The following SGCD variants were observed in gnomAD, a reference collection of about 807,000 sequenced individuals.
The protein encoded by SGCD is delta-sarcoglycan.
In SGCD, 18 loss-of-function variants were observed where a neutral mutation model predicts 36.6. That is an observed-to-expected ratio of 0.49 (90% CI 0.34 to 0.73). SGCD has a LOEUF of 0.73. Among genes scored for constraint, SGCD ranks in the 30% least tolerant of loss-of-function variants. The probability of loss-of-function intolerance (pLI) is 0.01; values close to 1 mark genes in which losing one functional copy is unlikely to be tolerated. For missense variants in SGCD, 387 were observed against 346.7 expected, an observed-to-expected ratio of 1.12 and a Z score of -0.92; for synonymous variants, 133 against 130.6, an observed-to-expected ratio of 1.02 and a Z score of -0.12.
intron 3 of SGCD, among the ~76,000 whole-genome samples, chr5:156,276,672 C>T (rs1217662294): frequency 1.3e-5 from 2 of 151,658 alleles, no homozygotes; most frequent in Non-Finnish European, 2.9e-5. Context: ...CTTTATGTAC[C>T]CCATACTGTT....
chr5:156,463,166 C>T (rs1001450877), intron 3 of SGCD, among the ~76,000 whole-genome samples: 8 of 150,836 alleles, frequency 5.3e-5, no homozygotes, highest in East Asian at 2.0e-4. Context: ...TTGTTTGAGA[C>T]GGAGTCTCAC....
chr5:155,965,604 C>T (rs1379724933), intron 1 of SGCD, among the ~76,000 whole-genome samples: 1 of 152,050 alleles, frequency 6.6e-6, no homozygotes, highest in Non-Finnish European at 1.5e-5. Context: ...TCTGTGCCTG[C>T]CACCAGAAGG....
At chr5:156,291,040 A>G (rs1766745018) in intron 3 of SGCD, among the ~76,000 whole-genome samples, 1 of 152,128 alleles carries the variant, frequency 6.6e-6, no homozygotes. Flanking sequence ...CTTGACATCC[A>G]CACGTTCTGC....
intron 3 of SGCD, among the ~76,000 whole-genome samples, chr5:156,218,443 C>G (rs972794128): frequency 6.6e-6 from 1 of 151,874 alleles, no homozygotes; most frequent in Non-Finnish European, 1.5e-5. Context: ...CATAAGATGG[C>G]AAAAAATTAG....
chr5:156,693,642 G>A (rs1458341792), intron 7 of SGCD, among the ~76,000 whole-genome samples: 1 of 152,114 alleles, frequency 6.6e-6, no homozygotes, highest in Admixed American at 6.6e-5. Flanking sequence ...ATTGTTTAGA[G>A]GCAGAAGGAA....
At chr5:156,390,251 T>G (rs946158929) in intron 3 of SGCD, among the ~76,000 whole-genome samples, 9 of 152,058 alleles carry the variant, frequency 5.9e-5, no homozygotes, top group Non-Finnish European at 1.3e-4. Flanking sequence ...CTCAGGCAGG[T>G]CCTTTAGAGG....
intron 3 of SGCD, among the ~76,000 whole-genome samples, chr5:156,411,548 T>C (rs1181161175): frequency 2.0e-5 from 3 of 152,240 alleles, no homozygotes; most frequent in African/African-American, 7.2e-5. Context: ...GCCTGTTGTA[T>C]GCTTTGCGAT....
chr5:155,980,467 A>G (rs539588026), intron 1 of SGCD, among the ~76,000 whole-genome samples: 1 of 151,904 alleles, frequency 6.6e-6, no homozygotes, highest in South Asian at 2.1e-4. Context: ...AGACGCCTGT[A>G]GACCCAGCTA....
intron 1 of SGCD, among the ~76,000 whole-genome samples, chr5:156,058,428 G>C (rs762512077): frequency 6.8e-6 from 1 of 146,162 alleles, no homozygotes; most frequent in African/African-American, 2.5e-5. Context: ...TGAATCATCT[G>C]GGATCTTGTG....
chr5:156,410,219 T>C (rs1772666649), intron 3 of SGCD, among the ~76,000 whole-genome samples: 1 of 152,152 alleles, frequency 6.6e-6, no homozygotes, highest in African/African-American at 2.4e-5. Flanking sequence ...TAAAAGAGAA[T>C]GAAATCACAT....
intron 4 of SGCD, among the ~76,000 whole-genome samples, chr5:156,584,222 T>C (rs1019890394): frequency 6.6e-6 from 1 of 152,190 alleles, no homozygotes; most frequent in Non-Finnish European, 1.5e-5. Flanking sequence ...CCAAATACAC[T>C]TGTCTATGTT....
intron 3 of SGCD, among the ~76,000 whole-genome samples, chr5:156,372,618 A>C (rs552652635): frequency 6.6e-6 from 1 of 152,280 alleles, no homozygotes; most frequent in South Asian, 2.1e-4. Flanking sequence ...CATCAACCAA[A>C]ATATTTGTTC....
intron 1 of SGCD, among the ~76,000 whole-genome samples, chr5:155,936,361 G>A (rs954290375): frequency 2.7e-4 from 41 of 152,274 alleles, no homozygotes; most frequent in Non-Finnish European, 1.3e-4. Flanking sequence ...GCGACCCTGG[G>A]ATGGATAGCT....
chr5:155,839,103 T>C, the SGCD span, among the ~76,000 whole-genome samples: 1 of 152,110 alleles, frequency 6.6e-6, no homozygotes, highest in African/African-American at 2.4e-5. Flanking sequence ...GCCCAGCAAA[T>C]CTACATTTCA....
intron 7 of SGCD, among the ~76,000 whole-genome samples, chr5:156,678,897 T>C (rs1235783711): frequency 1.3e-5 from 2 of 152,196 alleles, no homozygotes; most frequent in Admixed American, 6.5e-5. Flanking sequence ...TTTCTTGTTA[T>C]AGTGTTGATT....
chr5:156,295,081 C>T (rs188044919), intron 3 of SGCD, among the ~76,000 whole-genome samples: 8 of 152,198 alleles, frequency 5.3e-5, no homozygotes, highest in Non-Finnish European at 1.0e-4. Context: ...TGATAGCATT[C>T]ACCCAATGAA....
At chr5:156,221,166 G>C (rs1418799114) in intron 3 of SGCD, among the ~76,000 whole-genome samples, 4 of 152,066 alleles carry the variant, frequency 2.6e-5, no homozygotes, top group African/African-American at 9.7e-5. Context: ...AACTTGTAAT[G>C]AACAGAAATT....
At chr5:156,591,379 A>T (rs139532205) in intron 5 of SGCD, among the ~76,000 whole-genome samples, 6 of 152,224 alleles carry the variant, frequency 3.9e-5, no homozygotes, top group African/African-American at 1.2e-4. Context: ...TAAGTTCTCA[A>T]ATTAGATCAC....
chr5:156,143,176 C>G (rs1370734975), intron 3 of SGCD, among the ~76,000 whole-genome samples: 1 of 152,244 alleles, frequency 6.6e-6, no homozygotes, highest in Non-Finnish European at 1.5e-5. Context: ...GCCACTGCTT[C>G]AAAGAGTGCA....
Sources: allele counts gnomAD v4.1 joint callset (sites outside exome capture counted in the v4.1 genomes callset), GRCh38; gene constraint gnomAD v4.1.1; transcripts MANE v1.5; gene names NCBI Gene and HGNC (gene_info 2026-07-23, HGNC 2026-07-21).